GRM4: variants seen among roughly 807,000 people sequenced by gnomAD.
GRM4 encodes the protein glutamate metabotropic receptor 4, also known as metabotropic glutamate receptor 4.
Under a neutral mutation model 81.7 loss-of-function variants are expected in GRM4, and 28 were observed. The ratio of observed to expected loss-of-function variants is 0.34; its 90% CI spans 0.25 to 0.47. The LOEUF (loss-of-function observed/expected upper bound fraction) is 0.47. Among genes scored for constraint, GRM4 ranks in the 20% least tolerant of loss-of-function variants. GRM4 has a pLI of 1.00. For synonymous variants in GRM4, 488 were observed against 528.8 expected, an observed-to-expected ratio of 0.92 and a Z score of 1.06; for missense variants, 948 against 1,290.0, an observed-to-expected ratio of 0.73 and a Z score of 4.06.
rs759771502 is a variant in GRM4 at position 34,033,579 on chromosome 6, C to T, written c.2442+2089G>A. ...CGTTAGGTAAACTGTCTCCACATGACGAGCACCCCATCCCATGGCTGCCTC... is the reference window on the plus strand; with the variant it reads ...CGTTAGGTAAACTGTCTCCACATGATGAGCACCCCATCCCATGGCTGCCTC... On this transcript the variant is annotated intron_variant, in intron 9 of 10. Transcript: ENST00000538487. Among the ~76,000 whole-genome samples the T allele has an allele frequency of 4.6e-5, 7 of 152,186 alleles. No homozygotes were observed. In the East Asian group the frequency reaches 5.8e-4, roughly 13 times the overall value.
Position 34,035,525 on chromosome 6 carries a change from C to A in GRM4, c.2442+143G>T. On this transcript the variant is annotated intron_variant, in intron 9 of 10. Coordinates refer to ENST00000538487, the MANE Select transcript of GRM4 (RefSeq NM_000841.4). This position sits in a 1 kb window ranked among gnomAD's most constrained non-coding sequence, Gnocchi z 6.6. Reference sequence around the variant, plus strand: ...AGGCAGAATGAGGCATGAAAGAAGGCAGAATGAGGCAAGAAAGAAGGCAGA... The same window carrying A: ...AGGCAGAATGAGGCATGAAAGAAGGAAGAATGAGGCAAGAAAGAAGGCAGA... 1 of 577,872 alleles carries A rather than the reference C, an allele frequency of 1.7e-6. No individual in the cohort carries two copies. Among genetic ancestry groups the A allele is most frequent in the Admixed American group, 3.3e-5 (1 of 30,488 alleles). The allele number at this position is 577,872 out of a possible 1,614,324, so 35.8% of individuals were successfully genotyped here.
chr6:34,066,672 G>T (rs2451363), intron 3 of GRM4, among the ~76,000 whole-genome samples: 42,931 of 151,574 alleles, frequency 0.28, 7,192 homozygotes, highest in Non-Finnish European at 0.37. Context: ...CAAAATCATG[G>T]TTACCTCAAG....
intron 3 of GRM4, among the ~76,000 whole-genome samples, chr6:34,065,061 C>T (rs757949032): frequency 1.3e-5 from 2 of 152,162 alleles, no homozygotes; most frequent in African/African-American, 2.4e-5. Context: ...AATAAAGGGG[C>T]AGTGTTTCAT....
At chr6:34,041,584 A>G (rs906473013) in intron 6 of GRM4, among the ~76,000 whole-genome samples, 4 of 152,162 alleles carry the variant, frequency 2.6e-5, no homozygotes, top group African/African-American at 4.8e-5. Flanking sequence ...GTCAGCAAAA[A>G]GGGGATCATG....
chr6:34,028,017 C>A (rs960662599), intron 10 of GRM4, 103 bp downstream of exon 10: 7 of 1,289,722 alleles, frequency 5.4e-6, no homozygotes, highest in Admixed American at 2.4e-5. Context: ...CAGGATGGGG[C>A]ATCGGGGCAG....
At chr6:34,120,970 G>A (rs1306611981) in intron 2 of GRM4, among the ~76,000 whole-genome samples, 2 of 152,118 alleles carry the variant, frequency 1.3e-5, no homozygotes, top group African/African-American at 4.8e-5. Context: ...TTGGGTACAG[G>A]CTAATTCATT....
chr6:34,025,586 T>A (rs1764094930), intron 10 of GRM4, among the ~76,000 whole-genome samples: 1 of 152,112 alleles, frequency 6.6e-6, no homozygotes, highest in African/African-American at 2.4e-5. Context: ...GCTGGGGAGC[T>A]CTTCACCCAA....
chr6:34,100,083 C>T (rs1768753513), intron 2 of GRM4: 1 of 980,666 alleles, frequency 1.0e-6, no homozygotes, highest in Non-Finnish European at 1.2e-6. Flanking sequence ...AGCATCTGGT[C>T]ACTCTGGGGC....
At chr6:34,147,153 C>T (rs1304100498), upstream of GRM4, among the ~76,000 whole-genome samples, 3 of 152,198 alleles carry the variant, frequency 2.0e-5, no homozygotes, top group Non-Finnish European at 4.4e-5. Context: ...TTTACCCAAT[C>T]GGTCTGAAGT....
At chr6:34,140,387 C>T (rs1000004732) in intron 1 of GRM4, among the ~76,000 whole-genome samples, 1 of 152,046 alleles carries the variant, frequency 6.6e-6, no homozygotes, top group Non-Finnish European at 1.5e-5. Flanking sequence ...TTATCGACCA[C>T]GGTGTGGACA....
At position 34,062,014 on chromosome 6, in the gene GRM4, C is replaced by T. The variant is rs140826793; in HGVS notation, c.751G>A (p.Ala251Thr). 4.1e-5 allele frequency: 66 copies of T among 1,611,740 alleles called. No individual in the cohort carries two copies. Among genetic ancestry groups the T allele is most frequent in the East Asian group, 6.7e-5 (3 of 44,832 alleles). Residue 251 changes from alanine (A) to threonine (T), a missense_variant, in exon 4 of 11, where the codon GCC becomes ACC. Transcript: ENST00000538487. ...TCCCGTGGTATCTTCACCGACTGGG[C>T]GATGCACACGCCCCCTGCAGGAGGG... The part of the protein sequence containing the change: ...KSREDGGVCI[A>T]QSVKIPREPK...
intron 3 of GRM4, among the ~76,000 whole-genome samples, chr6:34,076,809 C>T (rs1767335784): frequency 6.6e-6 from 1 of 152,280 alleles, no homozygotes; most frequent in South Asian, 2.1e-4. Flanking sequence ...GAAAACTTCC[C>T]CAGGCTCTTA....
intron 2 of GRM4, chr6:34,100,159 C>T (rs756872251): frequency 1.7e-5 from 8 of 481,412 alleles, no homozygotes; most frequent in African/African-American, 2.1e-5. Context: ...GATCAGCCTG[C>T]GAGGGCCCAC....
chr6:34,049,108 G>C (rs891904019), intron 6 of GRM4, among the ~76,000 whole-genome samples: 17 of 151,676 alleles, frequency 1.1e-4, no homozygotes, highest in Admixed American at 1.1e-3. Context: ...TTACAATGTA[G>C]CTCCTCATAA....
At position 34,078,195 on chromosome 6, in the gene GRM4, G is replaced by C. The variant is rs1484059773; in HGVS notation, c.736+13688C>G. Among the ~76,000 whole-genome samples, 2 of 152,076 alleles carry C rather than the reference G, an allele frequency of 1.3e-5. No homozygotes were observed. The highest frequency in any genetic ancestry group is 2.4e-5 in the African/African-American group (1 of 41,384). ...TAACATTTGACCTATTGTCCGGAAG[G>C]CTCCCGGACCCATCTCCAGCTCCTG... On this transcript the variant is annotated intron_variant, in intron 3 of 10. Coordinates refer to ENST00000538487, the MANE Select transcript of GRM4 (RefSeq NM_000841.4). The surrounding 1 kb of genome is among the most constrained non-coding windows in gnomAD (Gnocchi z 4.8).
chr6:34,118,154 T>C (rs1769668996), intron 2 of GRM4, among the ~76,000 whole-genome samples: 1 of 152,198 alleles, frequency 6.6e-6, no homozygotes, highest in Non-Finnish European at 1.5e-5. Flanking sequence ...GAATGAGCAA[T>C]TTCAAATTGC....
rs563872483 is a variant in GRM4, at chr6:34,022,908, G to C, written c.2690-38C>G. 6.4e-7 allele frequency: 1 copy of C among 1,567,376 alleles called. No homozygotes were observed. Among genetic ancestry groups the C allele is most frequent in the South Asian group, 1.1e-5 (1 of 90,156 alleles). ...AGACCAGGGGTACCCAGGAGTCAGG[G>C]GCTGCTTTTCTCAAACTGTCCTTCC... is the stretch of plus-strand genomic sequence containing the variant. On this transcript the variant is annotated intron_variant, in intron 10 of 10. Coordinates refer to ENST00000538487, the MANE Select transcript of GRM4 (RefSeq NM_000841.4). The surrounding 1 kb of genome is among the most constrained non-coding windows in gnomAD (Gnocchi z 5.6).
intron 6 of GRM4, among the ~76,000 whole-genome samples, chr6:34,044,997 A>AAC (rs578082963): frequency 1.3e-5 from 2 of 151,728 alleles, no homozygotes; most frequent in South Asian, 2.1e-4. Context: ...CACTGAAATA[A>AAC]ACACACACAC....
At chr6:34,071,760 C>T (rs1209811797) in intron 3 of GRM4, among the ~76,000 whole-genome samples, 3 of 150,896 alleles carry the variant, frequency 2.0e-5, no homozygotes, top group Non-Finnish European at 4.4e-5. Context: ...CATACATCAC[C>T]ACACAGATAT....
Sources: gnomAD v4.1 joint callset for allele counts (sites outside exome capture counted in the v4.1 genomes callset) on GRCh38, gnomAD v4.1.1 for gene constraint, Gnocchi (gnomAD v3.1) non-coding constraint, MANE v1.5 for transcripts, NCBI Gene and HGNC (gene_info 2026-07-23, HGNC 2026-07-21) for gene names.